ZBTB7C: variants seen among roughly 807,000 people sequenced by gnomAD.
ZBTB7C encodes the protein zinc finger and BTB domain-containing protein 7C.
Under a neutral mutation model 25.7 loss-of-function variants are expected in ZBTB7C, and 8 were observed. The observed-to-expected ratio is 0.31, with a 90% CI of 0.18 to 0.56. The LOEUF is 0.56. ZBTB7C is among the 20% of genes least tolerant of loss of function. The pLI is 0.91. For missense variants in ZBTB7C, 824 were observed against 855.2 expected (o/e 0.96, Z 0.46); for synonymous variants, 394 against 369.0 (o/e 1.07, Z -0.78).
At chr18:48,170,518 A>T (rs1188395190) in intron 3 of ZBTB7C, among the ~76,000 whole-genome samples, 1 of 152,178 alleles carries the variant, frequency 6.6e-6, no homozygotes, top group Non-Finnish European at 1.5e-5. Context: ...GGAGCTCACC[A>T]AACCCGGGGC....
chr18:48,042,997 G>A (rs1036010147), intron 3 of ZBTB7C, among the ~76,000 whole-genome samples: 12 of 152,196 alleles, frequency 7.9e-5, no homozygotes, highest in Non-Finnish European at 1.3e-4. Flanking sequence ...TCAATATCAT[G>A]AGCCATTAGG....
intron 3 of ZBTB7C, among the ~76,000 whole-genome samples, chr18:48,111,580 T>G (rs1242371107): frequency 6.6e-6 from 1 of 152,096 alleles, no homozygotes; most frequent in East Asian, 1.9e-4. Context: ...GAGCCCTGGC[T>G]GGGGGTCGGC....
chr18:48,252,314 T>A (rs769570704), intron 2 of ZBTB7C: 14 of 152,190 alleles, frequency 9.2e-5, no homozygotes. Context: ...GAGAGAATAG[T>A]GCATTGTGAA....
intron 1 of ZBTB7C, among the ~76,000 whole-genome samples, chr18:48,359,025 C>T (rs2047041463): frequency 6.6e-6 from 1 of 152,158 alleles, no homozygotes; most frequent in South Asian, 2.1e-4. Context: ...CCTGTGAGCT[C>T]TGGAGGGCCT....
intron 2 of ZBTB7C, among the ~76,000 whole-genome samples, chr18:48,310,639 G>T (rs1248274773): frequency 6.6e-6 from 1 of 152,170 alleles, no homozygotes; most frequent in African/African-American, 2.4e-5. Flanking sequence ...AAGTGCACAG[G>T]CCTGGAAAGG....
At chr18:48,209,945 C>A (rs1347076523) in intron 2 of ZBTB7C, among the ~76,000 whole-genome samples, 1 of 152,084 alleles carries the variant, frequency 6.6e-6, no homozygotes, top group Non-Finnish European at 1.5e-5. Context: ...TGTGTCTAGA[C>A]TATTTAAAGA....
chr18:48,356,024 C>T (rs185113215), intron 1 of ZBTB7C, among the ~76,000 whole-genome samples: 8 of 150,670 alleles, frequency 5.3e-5, no homozygotes, highest in Admixed American at 2.0e-4. Flanking sequence ...GGGGCCCCAC[C>T]CCAGAAGTCT....
At chr18:48,237,790 T>C (rs928022830) in intron 2 of ZBTB7C, among the ~76,000 whole-genome samples, 2 of 152,204 alleles carry the variant, frequency 1.3e-5, no homozygotes, top group African/African-American at 4.8e-5. Flanking sequence ...ACCAAGAGGA[T>C]TTACAGCAGC....
chr18:48,315,287 C>T (rs891426431), intron 2 of ZBTB7C, among the ~76,000 whole-genome samples: 2 of 152,052 alleles, frequency 1.3e-5, no homozygotes, highest in African/African-American at 2.4e-5. Context: ...TCACAGGACT[C>T]GGGGATTTTT....
intron 3 of ZBTB7C, among the ~76,000 whole-genome samples, chr18:48,178,786 G>A (rs2041774879): frequency 1.3e-5 from 2 of 152,178 alleles, no homozygotes; most frequent in Admixed American, 1.3e-4. Context: ...TCTCCTGCTT[G>A]TAATGACAGA....
At chr18:48,384,223 C>T (rs938746461) in intron 1 of ZBTB7C, among the ~76,000 whole-genome samples, 2 of 149,222 alleles carry the variant, frequency 1.3e-5, no homozygotes, top group Non-Finnish European at 3.0e-5. Context: ...CAAGCCCCAC[C>T]CACAGCCTCT....
intron 3 of ZBTB7C, chr18:48,165,446 G>T: frequency 3.3e-6 from 1 of 306,914 alleles, no homozygotes; most frequent in South Asian, 2.8e-5. Flanking sequence ...AGAGAGAGGG[G>T]ACCTGGCCTT....
intron 3 of ZBTB7C, among the ~76,000 whole-genome samples, chr18:48,162,042 C>A (rs559904482): frequency 6.6e-6 from 1 of 152,166 alleles, no homozygotes; most frequent in East Asian, 1.9e-4. Flanking sequence ...CCGCACTGAC[C>A]CCGCAGGGGG....
At position 48,040,649 on chromosome 18, in the gene ZBTB7C, GTCC is replaced by G. The variant is rs780986005; in HGVS notation, c.456_458del (p.Glu152del). On this transcript the variant is annotated inframe_deletion, in exon 4 of 5. Transcript: ENST00000590800. ...CCTCCTCTTCCTCCTCCTCCTCTTCGTCCTCCTCATCATCATCATCTTCGTCGT... is the reference window on the plus strand; with the variant it reads ...CCTCCTCTTCCTCCTCCTCCTCTTCGTCCTCATCATCATCATCTTCGTCGT... 44 of 1,612,660 alleles carry G rather than the reference GTCC, an allele frequency of 2.7e-5. No homozygotes were observed. The highest frequency in any genetic ancestry group is 1.1e-4 in the East Asian group (5 of 44,820).
At chr18:48,226,370 C>T (rs893266918) in intron 2 of ZBTB7C, among the ~76,000 whole-genome samples, 1 of 152,162 alleles carries the variant, frequency 6.6e-6, no homozygotes, top group African/African-American at 2.4e-5. Flanking sequence ...TTTTTACTTC[C>T]TCCCAAATCT....
At chr18:48,363,422 C>T (rs1265659655) in intron 1 of ZBTB7C, among the ~76,000 whole-genome samples, 1 of 152,134 alleles carries the variant, frequency 6.6e-6, no homozygotes. Flanking sequence ...ATTCCTGCTG[C>T]TGCTGCAGGA....
intron 2 of ZBTB7C, among the ~76,000 whole-genome samples, chr18:48,317,036 G>T (rs913813930): frequency 1.3e-5 from 2 of 152,304 alleles, no homozygotes; most frequent in South Asian, 2.1e-4. Context: ...ATTTTGGGAG[G>T]CCAAGGCAAG....
At chr18:48,230,075 A>G (rs2043211435) in intron 2 of ZBTB7C, among the ~76,000 whole-genome samples, 1 of 152,236 alleles carries the variant, frequency 6.6e-6, no homozygotes, top group Non-Finnish European at 1.5e-5. Flanking sequence ...AATCATTTAC[A>G]TGATGTATTA....
chr18:48,333,380 T>C (rs959779791), intron 2 of ZBTB7C, among the ~76,000 whole-genome samples: 1 of 151,738 alleles, frequency 6.6e-6, no homozygotes, highest in Non-Finnish European at 1.5e-5. Context: ...CTCAAATCTT[T>C]AGCAAGTAAG....
Sources: gnomAD v4.1 joint callset for allele counts (sites outside exome capture counted in the v4.1 genomes callset) on GRCh38, gnomAD v4.1.1 for gene constraint, MANE v1.5 for transcripts, NCBI Gene and HGNC (gene_info 2026-07-23, HGNC 2026-07-21) for gene names.